Variants in PRKD1 observed in about 807,000 individuals in gnomAD.
PRKD1 encodes serine/threonine-protein kinase D1.
Under a neutral mutation model 95.9 loss-of-function variants are expected in PRKD1, and 63 were observed. That is an observed-to-expected ratio of 0.66 (90% CI 0.54 to 0.81). PRKD1 has a LOEUF of 0.81. Among genes scored for constraint, PRKD1 ranks in the 30% least tolerant of loss-of-function variants. PRKD1 has a pLI of 0.00. For missense variants in PRKD1, 1,048 were observed against 1,165.3 expected (o/e 0.90, Z 1.47); for synonymous variants, 425 against 423.1 (o/e 1.00, Z -0.05).
At chr14:29,602,139 T>G (rs1893542932) in intron 13 of PRKD1, among the ~76,000 whole-genome samples, 1 of 152,112 alleles carries the variant, frequency 6.6e-6, no homozygotes, top group Non-Finnish European at 1.5e-5. Flanking sequence ...AAGCAATGAA[T>G]CAGAAAGGAG....
intron 2 of PRKD1, among the ~76,000 whole-genome samples, chr14:29,676,183 GTTTTTT>G (rs34953735): frequency 1.5e-5 from 1 of 67,450 alleles, no homozygotes; most frequent in East Asian, 3.6e-4. Flanking sequence ...TTACGTTTTT[GTTTTTT>G]TTTTTTTTTT....
intron 1 of PRKD1, among the ~76,000 whole-genome samples, chr14:29,764,934 C>T (rs1888190978): frequency 6.6e-6 from 1 of 152,124 alleles, no homozygotes; most frequent in African/African-American, 2.4e-5. Flanking sequence ...TAGGAGATCA[C>T]CCTGGTAGAA....
chr14:29,906,251 A>T lies in PRKD1; in HGVS notation c.264+20998T>A, dbSNP rs555954436. Reference sequence around the variant, plus strand: ...AAGTTTAAGTCATGTAAAAAGCTGAAATCTAGGCTGGGTGTAGTAGGCCAT... The same window carrying T: ...AAGTTTAAGTCATGTAAAAAGCTGATATCTAGGCTGGGTGTAGTAGGCCAT... On this transcript the variant is annotated intron_variant, in intron 1 of 17. Coordinates refer to ENST00000331968, the MANE Select transcript of PRKD1 (RefSeq NM_002742.3). Among the ~76,000 whole-genome samples, 99 of 152,248 alleles carry T rather than the reference A, an allele frequency of 6.5e-4. 1 individual carries two copies. Among genetic ancestry groups the T allele is most frequent in the Non-Finnish European group, 1.3e-3 (88 of 68,012 alleles).
intron 1 of PRKD1, among the ~76,000 whole-genome samples, chr14:29,892,372 T>C (rs980180593): frequency 1.3e-5 from 2 of 152,054 alleles, no homozygotes; most frequent in Admixed American, 6.6e-5. Context: ...AAGTTTCTCT[T>C]TGTATCAAGA....
intron 13 of PRKD1, among the ~76,000 whole-genome samples, chr14:29,603,297 T>C (rs1472315603): frequency 6.6e-6 from 1 of 152,256 alleles, no homozygotes; most frequent in Non-Finnish European, 1.5e-5. Flanking sequence ...ATTTATTGTA[T>C]ATGGTTGAGA....
chr14:29,640,537 T>C (rs1358502639), intron 4 of PRKD1, among the ~76,000 whole-genome samples: 1 of 152,196 alleles, frequency 6.6e-6, no homozygotes. Context: ...GGTTCAACTC[T>C]TGCAGATAAG....
intron 2 of PRKD1, among the ~76,000 whole-genome samples, chr14:29,719,095 AT>A (rs1457360077): frequency 2.6e-5 from 4 of 151,918 alleles, no homozygotes; most frequent in East Asian, 3.9e-4. Flanking sequence ...TTGTTACCAT[AT>A]TTTTTTTCCT....
At position 29,634,407 on chromosome 14, in the gene PRKD1, G is replaced by T. The variant is rs1594381275; in HGVS notation, c.1314+11C>A. 1 of 1,613,924 alleles carries T rather than the reference G, an allele frequency of 6.2e-7. No homozygotes were observed. Among genetic ancestry groups the T allele is most frequent in the South Asian group, 1.1e-5 (1 of 91,084 alleles). ...GCAAGGCAAGAGAACATTGTTCCCT[G>T]TGGATCTTACCAGCGTGTCCTTGCT... On this transcript the variant is annotated intron_variant, in intron 8 of 17. Transcript: ENST00000331968.
At chr14:29,672,430 T>C (rs1251827780) in intron 2 of PRKD1, among the ~76,000 whole-genome samples, 1 of 151,932 alleles carries the variant, frequency 6.6e-6, no homozygotes, top group African/African-American at 2.4e-5. Flanking sequence ...CTTGAAACAA[T>C]ATTTCCTCTC....
At chr14:29,752,303 C>T (rs1341109027) in intron 1 of PRKD1, among the ~76,000 whole-genome samples, 1 of 152,076 alleles carries the variant, frequency 6.6e-6, no homozygotes, top group African/African-American at 2.4e-5. Context: ...CCCTCAAGGG[C>T]CAGTATGCTG....
At chr14:29,702,841 G>A (rs72677458) in intron 2 of PRKD1, among the ~76,000 whole-genome samples, 3,197 of 152,154 alleles carry the variant, frequency 0.021, 51 homozygotes, top group South Asian at 0.069. Context: ...TCCTAAAAGT[G>A]CATAATGAAT....
intron 13 of PRKD1, among the ~76,000 whole-genome samples, chr14:29,608,362 C>A (rs909053404): frequency 6.6e-6 from 1 of 152,110 alleles, no homozygotes; most frequent in Admixed American, 6.5e-5. Flanking sequence ...ATATTAAAAT[C>A]TTGCCCAACT....
At chr14:29,848,754 C>T (rs1282895361) in intron 1 of PRKD1, among the ~76,000 whole-genome samples, 1 of 151,718 alleles carries the variant, frequency 6.6e-6, no homozygotes, top group Non-Finnish European at 1.5e-5. Flanking sequence ...GCAAAAAACA[C>T]CTGATGACAG....
At chr14:29,752,631 A>G (rs1887530609) in intron 1 of PRKD1, among the ~76,000 whole-genome samples, 1 of 151,758 alleles carries the variant, frequency 6.6e-6, no homozygotes, top group African/African-American at 2.4e-5. Flanking sequence ...TAGGAATCAG[A>G]TAACACTTTC....
intron 13 of PRKD1, among the ~76,000 whole-genome samples, chr14:29,612,865 T>C (rs1052499594): frequency 6.6e-6 from 1 of 152,070 alleles, no homozygotes; most frequent in African/African-American, 2.4e-5. Context: ...TTGGGAGGCC[T>C]AGGCGGGTGG....
chr14:29,818,649 C>T (rs1297996234), intron 1 of PRKD1, among the ~76,000 whole-genome samples: 1 of 150,620 alleles, frequency 6.6e-6, no homozygotes, highest in Non-Finnish European at 1.5e-5. Context: ...CACCTATGCT[C>T]CAGTACAACT....
chr14:29,779,965 C>G (rs1229462927), intron 1 of PRKD1, among the ~76,000 whole-genome samples: 2 of 151,938 alleles, frequency 1.3e-5, no homozygotes, highest in African/African-American at 4.8e-5. Context: ...ACAGAACAGA[C>G]CCCTCAGAAA....
At chr14:29,692,540 T>C (rs1884296530) in intron 2 of PRKD1, among the ~76,000 whole-genome samples, 1 of 152,082 alleles carries the variant, frequency 6.6e-6, no homozygotes, top group African/African-American at 2.4e-5. Context: ...ATTGCAAAAT[T>C]TGGTGGCCAC....
intron 1 of PRKD1, among the ~76,000 whole-genome samples, chr14:29,915,798 A>G (rs1473490590): frequency 6.6e-6 from 1 of 152,342 alleles, no homozygotes; most frequent in South Asian, 2.1e-4. Context: ...CCATAATCTG[A>G]TAATTCCAAA....
Sources: allele counts gnomAD v4.1 joint callset (sites outside exome capture counted in the v4.1 genomes callset), GRCh38; gene constraint gnomAD v4.1.1; transcripts MANE v1.5; gene names NCBI Gene and HGNC (gene_info 2026-07-23, HGNC 2026-07-21).